The following DMD variants were observed in gnomAD, a reference collection of about 807,000 sequenced individuals.
The protein encoded by DMD is mutant dystrophin.
In DMD, 63 loss-of-function variants were observed where a neutral mutation model predicts 330.1. That is an observed-to-expected ratio of 0.19 (90% confidence interval 0.16 to 0.24). The LOEUF (loss-of-function observed/expected upper bound fraction) is 0.24. Among genes scored for constraint, DMD ranks in the 10% least tolerant of loss-of-function variants. DMD has a pLI of 1.00. For missense variants in DMD, 3,344 were observed against 2,684.1 expected (o/e 1.25, Z -5.43); for synonymous variants, 1,223 against 959.8 (o/e 1.27, Z -5.07).
chrX:31,936,053 G>A (rs2094920592), intron 45 of DMD, among the ~76,000 whole-genome samples: 1 of 110,527 alleles, frequency 9.0e-6, no homozygotes, highest in African/African-American at 3.3e-5. Context: ...ATTCTACTAT[G>A]TGTCTCTGTA....
At chrX:32,747,583 G>A (rs1176838212) in intron 7 of DMD, among the ~76,000 whole-genome samples, 10 of 112,301 alleles carry the variant, frequency 8.9e-5, no homozygotes, top group Non-Finnish European at 5.6e-5. Context: ...CTGTGTTTAA[G>A]CAATCCTGAT....
intron 2 of DMD, among the ~76,000 whole-genome samples, chrX:32,861,948 C>T (rs755224197): frequency 7.1e-5 from 8 of 111,927 alleles, no homozygotes; most frequent in Non-Finnish European, 1.1e-4. Context: ...TGTTACTTCC[C>T]ATGCCTCATA....
rs2097197942 is a variant in DMD, at chrX:32,238,914, C to A, written c.6291-21851G>T. On this transcript the variant is annotated intron_variant, in intron 43 of 78. Transcript: ENST00000357033. The stretch of plus-strand genomic sequence containing the variant: ...ACCTGGACACTCATTTTCTTCAGTT[C>A]TAAGAAAACTGATGTTGTCACTTCT... Among the ~76,000 whole-genome samples, 3 of 111,687 alleles carry A rather than the reference C, an allele frequency of 2.7e-5. No homozygotes were observed. The Admixed American group carries it at 2.9e-4, about 11-fold the overall frequency.
chrX:32,444,266 T>C (rs1485793059), intron 27 of DMD, among the ~76,000 whole-genome samples: 1 of 109,556 alleles, frequency 9.1e-6, no homozygotes, highest in Non-Finnish European at 1.9e-5. Flanking sequence ...GATCCACCCA[T>C]AACAAACGGA....
chrX:33,034,455 T>C (rs2094172075), intron 1 of DMD, among the ~76,000 whole-genome samples: 1 of 111,890 alleles, frequency 8.9e-6, no homozygotes, highest in Admixed American at 9.5e-5. Context: ...TGTAGAATAA[T>C]GATAATAATA....
chrX:31,213,437 G>A (rs1272120206), intron 64 of DMD, among the ~76,000 whole-genome samples: 2 of 108,617 alleles, frequency 1.8e-5, no homozygotes, highest in Non-Finnish European at 3.9e-5. Context: ...GGTTACCCAC[G>A]GGATATAAGA....
chrX:33,315,501 A>C (rs1388591276), intron 1 of DMD, among the ~76,000 whole-genome samples: 2 of 112,213 alleles, frequency 1.8e-5, no homozygotes, highest in Non-Finnish European at 3.8e-5. Context: ...TTTCGTTGGC[A>C]ATACGATGTG....
At chrX:32,244,853 G>T (rs2097226464) in intron 43 of DMD, among the ~76,000 whole-genome samples, 1 of 66,790 alleles carries the variant, frequency 1.5e-5, no homozygotes, top group Non-Finnish European at 2.8e-5. Flanking sequence ...TGTAGATTCT[G>T]GATATTAGCC....
chrX:33,095,333 T>A (rs2095143238), intron 1 of DMD, among the ~76,000 whole-genome samples: 1 of 112,587 alleles, frequency 8.9e-6, no homozygotes, highest in African/African-American at 3.2e-5. Context: ...GCGAACAACA[T>A]AAATGTTAGC....
rs150442396 is a variant in DMD at position 32,417,006 on chromosome X, T to C, written c.4072-5093A>G. 5.0e-4 allele frequency among the ~76,000 whole-genome samples: 56 copies of C among 112,224 alleles called. 1 individual carries two copies. In the East Asian group the frequency reaches 0.014, roughly 28 times the overall value. On this transcript the variant is annotated intron_variant, in intron 29 of 78. Coordinates refer to ENST00000357033, the MANE Select transcript of DMD (RefSeq NM_004006.3). ...AGTACTAAGAATACTGGTGGGTGTA[T>C]ATCATTTTTGATAAACTATTTCCTC...
chrX:32,697,755 C>T, intron 9 of DMD, 115 bp downstream of exon 9: 1 of 1,036,481 alleles, frequency 9.6e-7, no homozygotes, highest in Non-Finnish European at 1.3e-6. Flanking sequence ...AAAAACAAAC[C>T]AGCTCTTCAC....
chrX:31,696,051 G>A (rs992994658), intron 52 of DMD, among the ~76,000 whole-genome samples: 4 of 110,881 alleles, frequency 3.6e-5, no homozygotes, highest in Non-Finnish European at 7.6e-5. Flanking sequence ...TATAGTTGTC[G>A]ACTAAAAACG....
chrX:31,722,071 C>A (rs1603451362), intron 52 of DMD, among the ~76,000 whole-genome samples: 1 of 109,279 alleles, frequency 9.2e-6, no homozygotes, highest in South Asian at 3.9e-4. Flanking sequence ...GTTTGTGCAC[C>A]AAAATTTATT....
intron 54 of DMD, among the ~76,000 whole-genome samples, chrX:31,632,838 G>A (rs1048389079): frequency 3.6e-5 from 4 of 111,836 alleles, no homozygotes; most frequent in Non-Finnish European, 7.5e-5. Flanking sequence ...CTTGTGAGGG[G>A]AAGCTAGAAT....
intron 1 of DMD, among the ~76,000 whole-genome samples, chrX:33,185,258 A>G (rs2050199456): frequency 8.9e-6 from 1 of 111,889 alleles, no homozygotes. Context: ...ATTGTAAAAT[A>G]TATTATTTAC....
chrX:31,373,547 C>T (rs1366798478), intron 60 of DMD, among the ~76,000 whole-genome samples: 1 of 104,518 alleles, frequency 9.6e-6, no homozygotes, highest in Non-Finnish European at 2.0e-5. Context: ...TTTGACAAAC[C>T]TGAGAAAAAC....
rs753150937 is a variant in DMD, at chrX:32,268,788, A to C, written c.6290+18741T>G. Among the ~76,000 whole-genome samples, 6 of 111,678 alleles carry C rather than the reference A, an allele frequency of 5.4e-5. No individual in the cohort carries two copies. The South Asian group carries it at 1.5e-3, about 28-fold the overall frequency. ...GCAGAAAATTCACTCATTCTTTTGA[A>C]AAATGAATAAGGTACTCTTTTTTGT... is the stretch of plus-strand genomic sequence containing the variant. On this transcript the variant is annotated intron_variant, in intron 43 of 78. Coordinates refer to ENST00000357033, the MANE Select transcript of DMD (RefSeq NM_004006.3).
intron 1 of DMD, among the ~76,000 whole-genome samples, chrX:33,264,230 T>C (rs1379142490): frequency 1.8e-5 from 2 of 111,026 alleles, no homozygotes; most frequent in Admixed American, 1.9e-4. Flanking sequence ...CAGATAATAA[T>C]TCTAAAAACA....
chrX:32,748,884 A>G (rs2070431056), intron 7 of DMD, among the ~76,000 whole-genome samples: 1 of 112,414 alleles, frequency 8.9e-6, no homozygotes, highest in South Asian at 3.6e-4. Flanking sequence ...CTGATTAGCT[A>G]CTTTGCCTGA....
Sources: gnomAD v4.1 joint callset for allele counts (sites outside exome capture counted in the v4.1 genomes callset) on GRCh38, gnomAD v4.1.1 for gene constraint, MANE v1.5 for transcripts, NCBI Gene and HGNC (gene_info 2026-07-23, HGNC 2026-07-21) for gene names.